The following SLC35F1 variants were observed in gnomAD, a reference collection of about 807,000 sequenced individuals.
The protein encoded by SLC35F1 is solute carrier family 35 member F1, also known as chromosome 6 open reading frame 169.
SLC35F1 carries 14 observed loss-of-function variants against 48.7 expected under a neutral mutation model. That is an observed-to-expected ratio of 0.29 (90% CI 0.19 to 0.45). The LOEUF (loss-of-function observed/expected upper bound fraction) is 0.45. Among genes scored for constraint, SLC35F1 ranks in the 20% least tolerant of loss-of-function variants. The pLI is 1.00. For synonymous variants in SLC35F1, 190 were observed against 202.2 expected, an observed-to-expected ratio of 0.94 and a Z score of 0.51; for missense variants, 404 against 500.0, an observed-to-expected ratio of 0.81 and a Z score of 1.83.
chr6:117,972,912 A>G (rs988650978), intron 1 of SLC35F1, among the ~76,000 whole-genome samples: 7 of 152,214 alleles, frequency 4.6e-5, no homozygotes, highest in African/African-American at 1.7e-4. Flanking sequence ...CAATTTAATA[A>G]GTTTACAAGC....
At chr6:118,093,862 C>T (rs1479438055) in intron 1 of SLC35F1, among the ~76,000 whole-genome samples, 2 of 151,996 alleles carry the variant, frequency 1.3e-5, no homozygotes, top group African/African-American at 4.8e-5. Flanking sequence ...GTCCTGAAAG[C>T]CAGAGGAAGG....
intron 1 of SLC35F1, among the ~76,000 whole-genome samples, chr6:118,114,834 G>A (rs1773455813): frequency 2.0e-5 from 3 of 152,158 alleles, no homozygotes; most frequent in Admixed American, 6.6e-5. Context: ...TACTTTTTCT[G>A]GCAGGTGCTT....
intron 2 of SLC35F1, among the ~76,000 whole-genome samples, chr6:118,205,552 G>T (rs1388895037): frequency 1.3e-5 from 2 of 152,184 alleles, no homozygotes; most frequent in African/African-American, 4.8e-5. Flanking sequence ...CGCATTGCTG[G>T]TGGAAATGTA....
At chr6:118,297,329 G>A (rs1203864035) in intron 7 of SLC35F1, among the ~76,000 whole-genome samples, 4 of 151,956 alleles carry the variant, frequency 2.6e-5, no homozygotes, top group African/African-American at 4.8e-5. Context: ...AATCCCTTAG[G>A]AGGCTGGATT....
chr6:118,141,255 T>C (rs1389682408), intron 1 of SLC35F1, among the ~76,000 whole-genome samples: 1 of 152,212 alleles, frequency 6.6e-6, no homozygotes, highest in African/African-American at 2.4e-5. Flanking sequence ...TATTTAGATA[T>C]GCTTAGATAC....
At chr6:117,943,745 G>A (rs994714867) in intron 1 of SLC35F1, among the ~76,000 whole-genome samples, 1 of 152,182 alleles carries the variant, frequency 6.6e-6, no homozygotes, top group Non-Finnish European at 1.5e-5. Context: ...TTGTAGGTCT[G>A]AAAATGTTCT....
intron 1 of SLC35F1, among the ~76,000 whole-genome samples, chr6:117,941,101 G>A (rs1261230611): frequency 1.3e-5 from 2 of 152,032 alleles, no homozygotes; most frequent in Non-Finnish European, 2.9e-5. Context: ...CTCCTTCTTC[G>A]TTATTTTAAG....
intron 7 of SLC35F1, among the ~76,000 whole-genome samples, chr6:118,286,659 G>T (rs567397574): frequency 2.6e-5 from 4 of 152,042 alleles, no homozygotes; most frequent in Non-Finnish European, 5.9e-5. Context: ...AATAAAAATT[G>T]TACTATATAC....
chr6:118,089,761 G>C (rs1371429424), intron 1 of SLC35F1, among the ~76,000 whole-genome samples: 1 of 152,146 alleles, frequency 6.6e-6, no homozygotes, highest in African/African-American at 2.4e-5. Flanking sequence ...TTTGGATCTT[G>C]GGGACATTTG....
intron 1 of SLC35F1, among the ~76,000 whole-genome samples, chr6:117,927,736 G>A (rs1352169359): frequency 6.6e-6 from 1 of 152,190 alleles, no homozygotes; most frequent in Non-Finnish European, 1.5e-5. Flanking sequence ...AATGAAAGGT[G>A]ATGGGATGGA....
At chr6:117,953,551 G>A (rs990155779) in intron 1 of SLC35F1, among the ~76,000 whole-genome samples, 3 of 151,954 alleles carry the variant, frequency 2.0e-5, no homozygotes, top group East Asian at 3.9e-4. Flanking sequence ...ACCAATCCCT[G>A]AAAAAATCAT....
At chr6:118,247,605 C>T (rs1412950873) in intron 3 of SLC35F1, among the ~76,000 whole-genome samples, 1 of 152,142 alleles carries the variant, frequency 6.6e-6, no homozygotes, top group Non-Finnish European at 1.5e-5. Context: ...TCATTTTGTG[C>T]TATGAATAAT....
At chr6:118,159,520 T>C (rs75494672) in intron 2 of SLC35F1, among the ~76,000 whole-genome samples, 2,359 of 152,270 alleles carry the variant, frequency 0.015, 47 homozygotes, top group African/African-American at 0.053. Flanking sequence ...CAAAAACGTA[T>C]GCGTTTGCCT....
chr6:118,088,357 A>G (rs116503793), intron 1 of SLC35F1, among the ~76,000 whole-genome samples: 2,288 of 152,284 alleles, frequency 0.015, 63 homozygotes, highest in African/African-American at 0.052. Context: ...AGGTAATTCA[A>G]TGTGGGTCAC....
intron 2 of SLC35F1, among the ~76,000 whole-genome samples, chr6:118,190,832 CT>C (rs890087810): frequency 6.6e-6 from 1 of 152,140 alleles, no homozygotes; most frequent in African/African-American, 2.4e-5. Flanking sequence ...ACTAAGCACT[CT>C]TTTTGTTAAT....
intron 1 of SLC35F1, among the ~76,000 whole-genome samples, chr6:117,949,496 C>T (rs1246960851): frequency 6.6e-6 from 1 of 151,980 alleles, no homozygotes; most frequent in East Asian, 1.9e-4. Context: ...AATTTAAAGC[C>T]TCTTTGTTAG....
intron 1 of SLC35F1, among the ~76,000 whole-genome samples, chr6:118,127,964 G>GA (rs1474674932): frequency 6.6e-6 from 1 of 151,894 alleles, no homozygotes; most frequent in Admixed American, 6.6e-5. Context: ...AAATTTATAG[G>GA]AAAAAAACAA....
chr6:118,127,505 CAG>C (rs1562297832), intron 1 of SLC35F1, among the ~76,000 whole-genome samples: 1 of 151,998 alleles, frequency 6.6e-6, no homozygotes, highest in African/African-American at 2.4e-5. Context: ...TAAAATGAGT[CAG>C]GGAGGATTCC....
intron 2 of SLC35F1, among the ~76,000 whole-genome samples, chr6:118,185,355 G>T (rs943489104): frequency 3.4e-4 from 52 of 152,064 alleles, no homozygotes; most frequent in Admixed American, 6.6e-5. Flanking sequence ...AAGATTTGCA[G>T]GCTAATTTTG....
Sources: gnomAD v4.1 joint callset for allele counts (sites outside exome capture counted in the v4.1 genomes callset) on GRCh38, gnomAD v4.1.1 for gene constraint, MANE v1.5 for transcripts, NCBI Gene and HGNC (gene_info 2026-07-23, HGNC 2026-07-21) for gene names.